Variants in CHIC1 observed in about 807,000 individuals in gnomAD.
CHIC1 encodes the protein cysteine-rich hydrophobic domain-containing protein 1.
Under a neutral mutation model 18.5 loss-of-function variants are expected in CHIC1, and 7 were observed. The ratio of observed to expected loss-of-function variants is 0.38; its 90% CI spans 0.22 to 0.71. CHIC1 has a LOEUF of 0.71. CHIC1 is among the 30% of genes least tolerant of loss of function. The probability of loss-of-function intolerance (pLI) is 0.49; values close to 1 mark genes in which losing one functional copy is unlikely to be tolerated. For missense variants in CHIC1, 159 were observed against 176.9 expected (o/e 0.90, Z 0.57); for synonymous variants, 77 against 73.5 (o/e 1.05, Z -0.25).
intron 3 of CHIC1, among the ~76,000 whole-genome samples, chrX:73,599,000 C>T (rs1436617645): frequency 1.9e-5 from 2 of 107,887 alleles, no homozygotes; most frequent in Non-Finnish European, 1.9e-5. Context: ...CCTGTTGTTT[C>T]CTGACTTTTT....
intron 3 of CHIC1, among the ~76,000 whole-genome samples, chrX:73,645,111 G>T (rs1466503426): frequency 8.9e-6 from 1 of 112,329 alleles, no homozygotes; most frequent in Non-Finnish European, 1.9e-5. Flanking sequence ...GGCCATCTTG[G>T]CTCCGGAAGC....
chrX:73,615,882 T>C (rs2057730436), intron 3 of CHIC1, among the ~76,000 whole-genome samples: 1 of 110,767 alleles, frequency 9.0e-6, no homozygotes, highest in African/African-American at 3.3e-5. Context: ...GGGGCATGTG[T>C]TTTGCTTGTG....
chrX:73,617,151 A>C (rs1253506469), intron 3 of CHIC1, among the ~76,000 whole-genome samples: 1 of 111,667 alleles, frequency 9.0e-6, no homozygotes, highest in East Asian at 2.8e-4. Context: ...ATCTCCCTCA[A>C]GTTGAAAGTT....
intron 3 of CHIC1, among the ~76,000 whole-genome samples, chrX:73,614,588 C>A (rs957533036): frequency 3.6e-5 from 4 of 110,012 alleles, no homozygotes; most frequent in Non-Finnish European, 7.6e-5. Flanking sequence ...TTTTGTCTGA[C>A]TAGGTTATTT....
chrX:73,574,731 T>C (rs942953686), intron 1 of CHIC1, among the ~76,000 whole-genome samples: 1 of 110,888 alleles, frequency 9.0e-6, no homozygotes, highest in African/African-American at 3.3e-5. Flanking sequence ...ATAATAGTTA[T>C]ACGAATATTT....
intron 3 of CHIC1, among the ~76,000 whole-genome samples, chrX:73,646,884 C>T (rs2147605507): frequency 8.9e-6 from 1 of 112,319 alleles, no homozygotes; most frequent in African/African-American, 3.2e-5. Context: ...CAGACCAATA[C>T]CTTGAAGCAT....
intron 3 of CHIC1, among the ~76,000 whole-genome samples, chrX:73,597,863 A>C (rs980395875): frequency 2.4e-4 from 26 of 110,597 alleles, no homozygotes; most frequent in African/African-American, 8.5e-4. Context: ...GAGTGAGAAC[A>C]TGCAGTGTTT....
intron 3 of CHIC1, among the ~76,000 whole-genome samples, chrX:73,633,567 C>G (rs1293588910): frequency 9.0e-6 from 1 of 111,444 alleles, no homozygotes; most frequent in East Asian, 2.8e-4. Flanking sequence ...ATCTGGATGT[C>G]CATTTCCTTT....
chrX:73,597,741 G>C (rs1018146822), intron 3 of CHIC1, among the ~76,000 whole-genome samples: 52 of 108,877 alleles, frequency 4.8e-4, no homozygotes, highest in African/African-American at 1.7e-3. Flanking sequence ...ATCTACATTA[G>C]GTATTTCTCC....
chrX:73,601,185 G>C (rs1014418139), intron 3 of CHIC1, among the ~76,000 whole-genome samples: 17 of 104,753 alleles, frequency 1.6e-4, no homozygotes, highest in Admixed American at 4.0e-4. Context: ...CCCAGGAATT[G>C]AACTCAGCTC....
intron 1 of CHIC1, among the ~76,000 whole-genome samples, chrX:73,568,447 C>T (rs2057455270): frequency 9.0e-6 from 1 of 111,169 alleles, no homozygotes; most frequent in Admixed American, 9.6e-5. Context: ...TATATTAACT[C>T]TTACAGATTT....
intron 3 of CHIC1, among the ~76,000 whole-genome samples, chrX:73,644,932 G>A (rs1472077661): frequency 8.9e-6 from 1 of 112,462 alleles, no homozygotes; most frequent in African/African-American, 3.2e-5. Context: ...GAGTGAGGCA[G>A]TGCCTCGCCC....
At position 73,682,502 on chromosome X, in the gene CHIC1, A is replaced by G. The variant is rs2058103167; in HGVS notation, c.*1497A>G. Reference sequence around the variant, plus strand: ...TTAGTAAACCTTTTAGGCAAGATTCATCTCAGTGAAGTGAACAATCATTTC... The same window carrying G: ...TTAGTAAACCTTTTAGGCAAGATTCGTCTCAGTGAAGTGAACAATCATTTC... On this transcript the variant is annotated 3_prime_UTR_variant, in exon 6 of 6. Transcript: ENST00000373502. 8.9e-6 allele frequency: 1 copy of G among 111,872 alleles called. No homozygotes were observed. Among genetic ancestry groups the G allele is most frequent in the Middle Eastern group, 4.2e-3 (1 of 236 alleles). The allele number at this position is 111,872 out of a possible 1,213,427, so 9.2% of individuals were successfully genotyped here. A position where few individuals can be genotyped will look rare whatever the true frequency, so the allele number is the denominator to read the frequency against.
intron 3 of CHIC1, among the ~76,000 whole-genome samples, chrX:73,622,331 T>A (rs1010500412): frequency 1.8e-5 from 2 of 111,565 alleles, no homozygotes; most frequent in Non-Finnish European, 3.8e-5. Context: ...GGCCCTGGGC[T>A]TTTTTGTTTG....
chrX:73,648,334 T>C (rs7057909), intron 3 of CHIC1, among the ~76,000 whole-genome samples: 31,598 of 111,140 alleles, frequency 0.28, 5,156 homozygotes, highest in African/African-American at 0.62. Flanking sequence ...AACTCCTCTC[T>C]AGCAAGGACA....
intron 3 of CHIC1, among the ~76,000 whole-genome samples, chrX:73,601,707 A>G (rs187466352): frequency 0.04 from 4,118 of 102,960 alleles, 128 homozygotes; most frequent in Non-Finnish European, 0.062. Context: ...AAATAACTAA[A>G]ATCAGAGCAG....
At chrX:73,643,697 G>A (rs1352475420) in intron 3 of CHIC1, among the ~76,000 whole-genome samples, 5 of 111,706 alleles carry the variant, frequency 4.5e-5, no homozygotes, top group East Asian at 2.8e-4. Flanking sequence ...TGTAGTTGTC[G>A]AGCCTTGGCT....
intron 3 of CHIC1, among the ~76,000 whole-genome samples, chrX:73,678,023 T>C (rs1308781552): frequency 1.8e-5 from 2 of 108,130 alleles, no homozygotes; most frequent in Admixed American, 2.0e-4. Context: ...TACATTGATA[T>C]CCACATCTGC....
chrX:73,648,435 A>G (rs1214684213), intron 3 of CHIC1, among the ~76,000 whole-genome samples: 1 of 111,866 alleles, frequency 8.9e-6, no homozygotes, highest in Non-Finnish European at 1.9e-5. Context: ...AAAGAAGCAT[A>G]TTTTAACCCA....
Sources: gnomAD v4.1 joint callset for allele counts (sites outside exome capture counted in the v4.1 genomes callset) on GRCh38, gnomAD v4.1.1 for gene constraint, MANE v1.5 for transcripts, NCBI Gene and HGNC (gene_info 2026-07-23, HGNC 2026-07-21) for gene names.